ASIC2: variants seen among roughly 807,000 people sequenced by gnomAD.
ASIC2 encodes the protein acid-sensing ion channel 2.
ASIC2 carries 25 observed loss-of-function variants against 57.3 expected under a neutral mutation model. The ratio of observed to expected loss-of-function variants is 0.44; its 90% CI spans 0.32 to 0.61. ASIC2 has a LOEUF of 0.61. Among genes scored for constraint, ASIC2 ranks in the 20% least tolerant of loss-of-function variants. ASIC2 has a pLI of 0.06. For missense variants in ASIC2, 641 were observed against 738.1 expected, an observed-to-expected ratio of 0.87 and a Z score of 1.52; for synonymous variants, 319 against 307.5, an observed-to-expected ratio of 1.04 and a Z score of -0.39.
chr17:33,352,769 C>T (rs370750678), intron 1 of ASIC2, among the ~76,000 whole-genome samples: 4 of 152,164 alleles, frequency 2.6e-5, no homozygotes, highest in East Asian at 1.9e-4. Flanking sequence ...CAGGTCCTCA[C>T]GTTCACCTGC....
chr17:33,694,353 G>A (rs1052199408), intron 1 of ASIC2, among the ~76,000 whole-genome samples: 1 of 152,190 alleles, frequency 6.6e-6, no homozygotes, highest in African/African-American at 2.4e-5. Context: ...CGGGAGCACC[G>A]TCATGATCTA....
intron 1 of ASIC2, among the ~76,000 whole-genome samples, chr17:33,116,927 G>A (rs1340341866): frequency 6.6e-6 from 1 of 151,178 alleles, no homozygotes; most frequent in Non-Finnish European, 1.5e-5. Flanking sequence ...ACAACTCACT[G>A]TAATCTCAAA....
intron 1 of ASIC2, among the ~76,000 whole-genome samples, chr17:33,671,210 C>T (rs1050810565): frequency 6.6e-5 from 10 of 152,298 alleles, no homozygotes; most frequent in African/African-American, 2.4e-4. Context: ...CTCCTTTCTT[C>T]GTCTCACATG....
intron 1 of ASIC2, among the ~76,000 whole-genome samples, chr17:34,154,232 C>T (rs941840433): frequency 2.0e-5 from 3 of 152,138 alleles, no homozygotes; most frequent in East Asian, 3.9e-4. Flanking sequence ...CTAGAAAGAA[C>T]GGGGTGGAAT....
rs762835491 is a variant in ASIC2, at chr17:34,127,284, C to T, written c.555+28694G>A. Among the ~76,000 whole-genome samples, 87 of 152,200 alleles carry T rather than the reference C, an allele frequency of 5.7e-4. 1 individual carries two copies. The highest frequency in any genetic ancestry group is 1.2e-4 in the Non-Finnish European group (8 of 68,038). On this transcript the variant is annotated intron_variant, in intron 1 of 9. Coordinates refer to the ASIC2 transcript ENST00000359872. ...CTGGGTCTGCCTCTGCATCTCCCTG[C>T]CTCCCTGCCTTGCCCAGTCTGTCTC...
intron 1 of ASIC2, among the ~76,000 whole-genome samples, chr17:34,139,988 CAAAAT>C (rs1027309511): frequency 6.6e-6 from 1 of 152,118 alleles, no homozygotes; most frequent in African/African-American, 2.4e-5. Context: ...TTAAAAGAGA[CAAAAT>C]AACCAAATGC....
intron 1 of ASIC2, among the ~76,000 whole-genome samples, chr17:33,176,500 C>T (rs1465698662): frequency 2.0e-5 from 3 of 152,194 alleles, no homozygotes; most frequent in Admixed American, 6.5e-5. Flanking sequence ...CCACCATGCC[C>T]AGCTAAGTTT....
chr17:33,457,885 G>T (rs756284916), intron 1 of ASIC2, among the ~76,000 whole-genome samples: 2 of 152,230 alleles, frequency 1.3e-5, no homozygotes, highest in African/African-American at 2.4e-5. Flanking sequence ...AGCAGAGTTA[G>T]ATCTCATACT....
intron 1 of ASIC2, among the ~76,000 whole-genome samples, chr17:34,040,262 G>A (rs1908074219): frequency 6.7e-6 from 1 of 149,442 alleles, no homozygotes; most frequent in African/African-American, 2.5e-5. Context: ...GAGGGCGGGG[G>A]TGTCGGAACC....
chr17:33,421,540 C>A (rs1911042575), intron 1 of ASIC2, among the ~76,000 whole-genome samples: 1 of 152,184 alleles, frequency 6.6e-6, no homozygotes, highest in African/African-American at 2.4e-5. Flanking sequence ...TCCCAACAAC[C>A]ATTGCGGTAA....
At chr17:33,171,538 T>C (rs1905521344) in intron 1 of ASIC2, among the ~76,000 whole-genome samples, 1 of 152,230 alleles carries the variant, frequency 6.6e-6, no homozygotes, top group East Asian at 1.9e-4. Context: ...CTTTTCTCCA[T>C]CACCATTGTT....
At chr17:33,239,213 C>G (rs1273520466) in intron 1 of ASIC2, among the ~76,000 whole-genome samples, 1 of 152,122 alleles carries the variant, frequency 6.6e-6, no homozygotes, top group African/African-American at 2.4e-5. Context: ...ATTGCTTGAA[C>G]CCGGGAGGCG....
upstream of ASIC2, among the ~76,000 whole-genome samples, chr17:33,296,916 C>T (rs552235299): frequency 4.6e-5 from 7 of 152,302 alleles, no homozygotes; most frequent in African/African-American, 1.7e-4. Context: ...TGTAGGAATC[C>T]GTTCAATACA....
chr17:34,008,285 C>T (rs1172866963), intron 1 of ASIC2, among the ~76,000 whole-genome samples: 1 of 152,160 alleles, frequency 6.6e-6, no homozygotes, highest in East Asian at 1.9e-4. Flanking sequence ...ATGACCCGCC[C>T]AAACTTGTTC....
chr17:33,026,131 A>G, intron 4 of ASIC2, 149 bp from the exon 5 acceptor site: 6 of 749,652 alleles, frequency 8.0e-6, no homozygotes, highest in Non-Finnish European at 1.1e-5. Context: ...GGAGCCTTGG[A>G]TCACAGTGCA....
At chr17:33,251,758 A>G (rs1389423521) in intron 1 of ASIC2, among the ~76,000 whole-genome samples, 1 of 152,188 alleles carries the variant, frequency 6.6e-6, no homozygotes, top group Non-Finnish European at 1.5e-5. Context: ...ACTCAATGTC[A>G]TACAGCTAAT....
In ASIC2 at chr17:33,193,164, C is replaced by A. The variant is rs187872229; in HGVS notation, c.709-81097G>T. On this transcript the variant is annotated intron_variant, in intron 1 of 9. Coordinates refer to ENST00000225823, the MANE Select transcript of ASIC2 (RefSeq NM_183377.2). The stretch of plus-strand genomic sequence containing the variant: ...TATCTGTTCATTTGAAGCAGGGAAA[C>A]CCTACTTAACTCAACTTAGAAGCCT... Among the ~76,000 whole-genome samples the A allele has an allele frequency of 7.9e-5, 12 of 152,300 alleles. No individual in the cohort carries two copies. In the East Asian group the frequency reaches 2.3e-3, roughly 29 times the overall value.
intron 3 of ASIC2, among the ~76,000 whole-genome samples, chr17:33,072,094 G>C (rs7219501): frequency 0.017 from 2,546 of 152,196 alleles, 65 homozygotes; most frequent in Middle Eastern, 0.061. Flanking sequence ...GTGAACTCTG[G>C]TTGTCTCGGT....
intron 1 of ASIC2, among the ~76,000 whole-genome samples, chr17:33,808,171 G>A (rs4387636): frequency 0.75 from 114,172 of 152,174 alleles, 43,637 homozygotes; most frequent in African/African-American, 0.83. Context: ...ACTTTTAGGC[G>A]CGTGATCCAT....
Sources: allele counts gnomAD v4.1 joint callset (sites outside exome capture counted in the v4.1 genomes callset), GRCh38; gene constraint gnomAD v4.1.1; transcripts MANE v1.5; gene names NCBI Gene and HGNC (gene_info 2026-07-23, HGNC 2026-07-21).